The following BLTP1 variants were observed in gnomAD, a reference collection of about 807,000 sequenced individuals.
The protein encoded by BLTP1 is fragile site-associated protein.
the BLTP1 span, chr4:122,169,886 T>A: frequency 4.1e-6 from 4 of 984,788 alleles, no homozygotes; most frequent in Non-Finnish European, 4.8e-6. Flanking sequence ...TACATAGAGG[T>A]GATGGAGGGT....
At chr4:122,226,230 ACTTAAG>A in the BLTP1 span, 1 of 171,596 alleles carries the variant, frequency 5.8e-6, no homozygotes. Flanking sequence ...ATATATACTT[ACTTAAG>A]CTTCTATTTA....
the BLTP1 span, chr4:122,235,107 G>A: frequency 2.1e-5 from 25 of 1,196,264 alleles, no homozygotes; most frequent in Middle Eastern, 5.7e-4. Context: ...TGTTAACTCT[G>A]TTCAACTCAA....
At chr4:122,224,027 T>A in the BLTP1 span, 1 of 977,564 alleles carries the variant, frequency 1.0e-6, no homozygotes, top group Non-Finnish European at 1.2e-6. Flanking sequence ...ACTCTCCTTG[T>A]ATTTACATAG....
chr4:122,299,790 T>C, the BLTP1 span: 1 of 984,614 alleles, frequency 1.0e-6, no homozygotes, highest in African/African-American at 1.7e-5. Flanking sequence ...TTATCAATGA[T>C]GAGGCTTAGG....
the BLTP1 span, chr4:122,229,107 C>A: frequency 1.9e-6 from 3 of 1,570,750 alleles, no homozygotes; most frequent in Non-Finnish European, 2.6e-6. Context: ...ATGTACAATC[C>A]TTTTTTATTT....
the BLTP1 span, among the ~76,000 whole-genome samples, chr4:122,300,414 T>C: frequency 6.6e-6 from 1 of 152,190 alleles, no homozygotes; most frequent in Admixed American, 6.6e-5. Context: ...CTTTCTGGTG[T>C]ATTTATTCAT....
the BLTP1 span, chr4:122,355,745 G>T: frequency 3.1e-4 from 464 of 1,516,100 alleles, no homozygotes; most frequent in East Asian, 2.2e-3. Context: ...ATATAGGCTT[G>T]TCAATGCCTA....
chr4:122,228,976 TTATTA>T, the BLTP1 span: 179 of 656,492 alleles, frequency 2.7e-4, no homozygotes, highest in East Asian at 4.9e-3. Context: ...ATTTCATTTA[TTATTA>T]TAAAAGAATG....
the BLTP1 span, among the ~76,000 whole-genome samples, chr4:122,204,093 G>C: frequency 6.6e-6 from 1 of 151,830 alleles, no homozygotes; most frequent in Admixed American, 6.6e-5. Flanking sequence ...TATGATCTCT[G>C]CCCTCACTTA....
chr4:122,295,863 G>A, the BLTP1 span, among the ~76,000 whole-genome samples: 1 of 152,024 alleles, frequency 6.6e-6, no homozygotes, highest in East Asian at 1.9e-4. Context: ...ATGCATAAAA[G>A]GCCTTTGATA....
the BLTP1 span, among the ~76,000 whole-genome samples, chr4:122,264,746 G>A: frequency 6.6e-6 from 1 of 152,146 alleles, no homozygotes; most frequent in South Asian, 2.1e-4. Context: ...ACTTTATTGA[G>A]CGAGCAGTGG....
chr4:122,253,211 G>A, the BLTP1 span, among the ~76,000 whole-genome samples: 1 of 152,064 alleles, frequency 6.6e-6, no homozygotes, highest in Non-Finnish European at 1.5e-5. Flanking sequence ...AGAGTGTGAA[G>A]ACTACAATAA....
At chr4:122,267,355 A>C in the BLTP1 span, among the ~76,000 whole-genome samples, 1 of 152,166 alleles carries the variant, frequency 6.6e-6, no homozygotes, top group Non-Finnish European at 1.5e-5. Flanking sequence ...CATCGTGCCC[A>C]GCCAAGAAAG....
the BLTP1 span, chr4:122,331,642 A>C: frequency 6.9e-7 from 1 of 1,457,426 alleles, no homozygotes. Context: ...CAAAATGCAG[A>C]TTTGAAGTGT....
chr4:122,190,219 C>T, the BLTP1 span: 8 of 1,144,328 alleles, frequency 7.0e-6, no homozygotes, highest in African/African-American at 1.3e-4. Context: ...ACTTCAGCCT[C>T]CTGAGTTGCT....
chr4:122,168,785 T>C, the BLTP1 span, among the ~76,000 whole-genome samples: 2 of 152,200 alleles, frequency 1.3e-5, no homozygotes, highest in Non-Finnish European at 2.9e-5. Flanking sequence ...TGCGTTTAGG[T>C]TTTCATATCA....
At chr4:122,270,941 C>T in the BLTP1 span, 1 of 1,453,718 alleles carries the variant, frequency 6.9e-7, no homozygotes. Flanking sequence ...GATGATTTTG[C>T]CTATAAATTA....
chr4:122,215,636 T>C, the BLTP1 span: 5 of 872,204 alleles, frequency 5.7e-6, no homozygotes, highest in Middle Eastern at 5.8e-4. Flanking sequence ...GTGTATTTCA[T>C]AAAGGCTTCT....
chr4:122,239,505 T>A, the BLTP1 span: 1 of 1,528,236 alleles, frequency 6.5e-7, no homozygotes, highest in Non-Finnish European at 8.9e-7. Flanking sequence ...TAGCTTTGCT[T>A]TCTGTTTTAG....
Sources: gnomAD v4.1 joint callset for allele counts (sites outside exome capture counted in the v4.1 genomes callset) on GRCh38, gnomAD v4.1.1 for gene constraint, MANE v1.5 for transcripts, NCBI Gene and HGNC (gene_info 2026-07-23, HGNC 2026-07-21) for gene names.